Variants in ST18 observed in about 807,000 individuals in gnomAD.
The protein encoded by ST18 is suppression of tumorigenicity 18 protein.
In ST18, 50 loss-of-function variants were observed where a neutral mutation model predicts 110.0. That is an observed-to-expected ratio of 0.45 (90% CI 0.36 to 0.58). The LOEUF is 0.58. Ranked by LOEUF, ST18 falls within the 20% of genes least tolerant of loss-of-function variation. The probability of loss-of-function intolerance (pLI) is 0.00; values close to 1 mark genes in which losing one functional copy is unlikely to be tolerated. For missense variants in ST18, 1,306 were observed against 1,280.1 expected, an observed-to-expected ratio of 1.02 and a Z score of -0.31; for synonymous variants, 461 against 452.4, an observed-to-expected ratio of 1.02 and a Z score of -0.24.
chr8:52,344,363 T>A (rs1590092748), intron 2 of ST18, among the ~76,000 whole-genome samples: 1 of 152,008 alleles, frequency 6.6e-6, no homozygotes, highest in East Asian at 1.9e-4. Context: ...ATGTCCCTGA[T>A]GAAATGCAGT....
chr8:52,270,763 T>G (rs1434428024), intron 2 of ST18, among the ~76,000 whole-genome samples: 2 of 152,122 alleles, frequency 1.3e-5, no homozygotes, highest in East Asian at 3.9e-4. Flanking sequence ...GGGTACATTT[T>G]TTTTGAGGTA....
intron 2 of ST18, among the ~76,000 whole-genome samples, chr8:52,366,616 C>A (rs192753423): frequency 1.3e-5 from 2 of 152,190 alleles, no homozygotes; most frequent in Non-Finnish European, 2.9e-5. Flanking sequence ...GCTTCATCTG[C>A]GTAACTGCCA....
chr8:52,240,824 G>A (rs2093331273), intron 2 of ST18, among the ~76,000 whole-genome samples: 1 of 152,158 alleles, frequency 6.6e-6, no homozygotes, highest in African/African-American at 2.4e-5. Flanking sequence ...TGAAGAAGCT[G>A]CTTATGTCTC....
chr8:52,185,352 TTATC>T (rs1367227444), intron 8 of ST18, among the ~76,000 whole-genome samples: 16 of 152,164 alleles, frequency 1.1e-4, no homozygotes, highest in South Asian at 8.3e-4. Flanking sequence ...CTCCCCTTCT[TTATC>T]TATTAGATTC....
chr8:52,124,912 C>G (rs762227863), intron 23 of ST18, among the ~76,000 whole-genome samples: 2 of 152,160 alleles, frequency 1.3e-5, no homozygotes, highest in Non-Finnish European at 2.9e-5. Context: ...ATCACACACA[C>G]AAATTAAAAA....
At chr8:52,274,525 T>TAAAATAATGAGACATATATATA (rs1564388252) in intron 2 of ST18, among the ~76,000 whole-genome samples, 5,834 of 152,044 alleles carry the variant, frequency 0.038, 398 homozygotes, top group African/African-American at 0.13. Context: ...AGTGGCAAGT[T>TAAAATAATGAGACATATATATA]TCTTTTTTTC....
chr8:52,139,343 T>TATAC (rs1554603309), intron 17 of ST18, among the ~76,000 whole-genome samples: 1 of 136,954 alleles, frequency 7.3e-6, no homozygotes, highest in Non-Finnish European at 1.6e-5. Flanking sequence ...TATATATATA[T>TATAC]ACACACAATT....
intron 2 of ST18, among the ~76,000 whole-genome samples, chr8:52,264,834 G>T (rs2094815338): frequency 6.6e-6 from 1 of 152,174 alleles, no homozygotes; most frequent in African/African-American, 2.4e-5. Flanking sequence ...TGGCTTAGGG[G>T]AAAAGTGAGA....
chr8:52,353,258 T>G (rs1276683093), intron 2 of ST18, among the ~76,000 whole-genome samples: 1 of 152,262 alleles, frequency 6.6e-6, no homozygotes, highest in Non-Finnish European at 1.5e-5. Flanking sequence ...GCACTTTACA[T>G]GTTTTTGTCT....
intron 3 of ST18, among the ~76,000 whole-genome samples, chr8:52,225,952 T>C (rs1220881528): frequency 6.6e-6 from 1 of 152,202 alleles, no homozygotes; most frequent in Non-Finnish European, 1.5e-5. Context: ...TGTAACTACA[T>C]AGAAACTTCG....
chr8:52,205,554 T>A (rs1481474543), intron 8 of ST18, among the ~76,000 whole-genome samples: 3 of 152,168 alleles, frequency 2.0e-5, no homozygotes, highest in African/African-American at 7.2e-5. Flanking sequence ...AAAAATTTTT[T>A]TAATTTTAAT....
chr8:52,148,146 G>A (rs2057849842), intron 16 of ST18, among the ~76,000 whole-genome samples: 1 of 152,148 alleles, frequency 6.6e-6, no homozygotes, highest in South Asian at 2.1e-4. Context: ...TGAGGCAAAT[G>A]AGCTTCTTAA....
intron 8 of ST18, among the ~76,000 whole-genome samples, chr8:52,185,252 G>T (rs1350418016): frequency 6.6e-6 from 1 of 152,082 alleles, no homozygotes; most frequent in Non-Finnish European, 1.5e-5. Context: ...ACACAGTAAA[G>T]AACATAGTGA....
intron 2 of ST18, among the ~76,000 whole-genome samples, chr8:52,350,005 C>T (rs1020161346): frequency 6.6e-5 from 10 of 152,112 alleles, no homozygotes; most frequent in African/African-American, 2.2e-4. Flanking sequence ...ACAGCAACTC[C>T]ACGCCCTTCC....
intron 2 of ST18, among the ~76,000 whole-genome samples, chr8:52,332,654 C>A (rs1810129155): frequency 1.3e-5 from 2 of 150,322 alleles, no homozygotes; most frequent in Admixed American, 1.3e-4. Context: ...AATTCGAGAC[C>A]AGCCTGACCA....
intron 19 of ST18, among the ~76,000 whole-genome samples, chr8:52,135,908 T>G (rs182995618): frequency 4.1e-4 from 63 of 152,332 alleles, no homozygotes; most frequent in African/African-American, 1.5e-3. Flanking sequence ...GCTTTATTAT[T>G]TGTAAAAAGA....
intron 19 of ST18, 36 bp from the exon 20 acceptor site, chr8:52,133,337 T>A: frequency 6.2e-7 from 1 of 1,613,372 alleles, no homozygotes. Flanking sequence ...GGCTGAGAAG[T>A]TGTAGTTGGG....
chr8:52,141,800 A>T (rs548195013), intron 17 of ST18, among the ~76,000 whole-genome samples: 9 of 152,174 alleles, frequency 5.9e-5, no homozygotes, highest in Admixed American at 2.6e-4. Context: ...AGGCTGGGGG[A>T]TGGGAGCACT....
chr8:52,133,208 T>A (rs1230548513), intron 20 of ST18, 31 bp downstream of exon 20: 1 of 1,614,052 alleles, frequency 6.2e-7, no homozygotes, highest in Non-Finnish European at 8.5e-7. Flanking sequence ...ACAAGCTCAT[T>A]TCCACATCTC....
Sources: allele counts gnomAD v4.1 joint callset (sites outside exome capture counted in the v4.1 genomes callset), GRCh38; gene constraint gnomAD v4.1.1; transcripts MANE v1.5; gene names NCBI Gene and HGNC (gene_info 2026-07-23, HGNC 2026-07-21).